The following KLRG1 variants were observed in gnomAD, a reference collection of about 807,000 sequenced individuals.
KLRG1 encodes killer cell lectin like receptor G1.
A neutral mutation model predicts 21.8 loss-of-function variants in KLRG1; 16 were observed. That is an observed-to-expected ratio of 0.73 (90% CI 0.50 to 1.11). KLRG1 has a LOEUF of 1.11. Ranked by LOEUF, KLRG1 falls within the 50% of genes most tolerant of loss-of-function variation. The pLI is 0.00. For synonymous variants in KLRG1, 69 were observed against 75.9 expected (o/e 0.91, Z 0.47); for missense variants, 173 against 218.3 (o/e 0.79, Z 1.31).
At chr12:9,186,610 A>G in the KLRG1 span, among the ~76,000 whole-genome samples, 1 of 151,772 alleles carries the variant, frequency 6.6e-6, no homozygotes, top group Non-Finnish European at 1.5e-5. Context: ...CCACATGCCC[A>G]TCAATGATAG....
the KLRG1 span, among the ~76,000 whole-genome samples, chr12:9,172,773 C>T: frequency 1.3e-5 from 2 of 151,078 alleles, no homozygotes; most frequent in African/African-American, 5.0e-5. Flanking sequence ...ACCAGAAGAG[C>T]TAACTATCCT....
At chr12:8,956,643 C>T (rs1008924842) in intron 1 of KLRG1, among the ~76,000 whole-genome samples, 1 of 151,894 alleles carries the variant, frequency 6.6e-6, no homozygotes, top group East Asian at 1.9e-4. Flanking sequence ...GATGGGGTTT[C>T]GCCACGTTGG....
downstream of KLRG1, among the ~76,000 whole-genome samples, chr12:9,015,144 G>T (rs1193722545): frequency 6.6e-6 from 1 of 152,112 alleles, no homozygotes; most frequent in South Asian, 2.1e-4. Flanking sequence ...TAACAAAATG[G>T]CAGGAGTATG....
chr12:9,169,398 G>A, the KLRG1 span: 1 of 1,528,960 alleles, frequency 6.5e-7, no homozygotes, highest in Non-Finnish European at 8.9e-7. Flanking sequence ...AAACTCACAA[G>A]CCAGCATGTT....
chr12:9,169,513 AG>A, the KLRG1 span: 1 of 1,612,468 alleles, frequency 6.2e-7, no homozygotes, highest in Non-Finnish European at 8.5e-7. Context: ...GGACGGGGAC[AG>A]TGTCCTTGTT....
At chr12:9,169,226 G>A in the KLRG1 span, among the ~76,000 whole-genome samples, 1 of 152,056 alleles carries the variant, frequency 6.6e-6, no homozygotes, top group African/African-American at 2.4e-5. Flanking sequence ...TGAATAGGCA[G>A]AGGTTAGATC....
upstream of KLRG1, chr12:8,989,405 A>G: frequency 2.8e-6 from 1 of 352,792 alleles, no homozygotes; most frequent in Non-Finnish European, 5.1e-6. Flanking sequence ...AATCAATTTA[A>G]TATATATTTA....
chr12:9,195,992 A>G, the KLRG1 span, among the ~76,000 whole-genome samples: 1 of 152,136 alleles, frequency 6.6e-6, no homozygotes, highest in Non-Finnish European at 1.5e-5. Context: ...AAATGTTACA[A>G]ACTCTGAAAA....
At chr12:9,202,711 T>A in the KLRG1 span, 1 of 1,603,744 alleles carries the variant, frequency 6.2e-7, no homozygotes, top group Non-Finnish European at 8.5e-7. Context: ...TTTTTACTAC[T>A]GAGGAACTGT....
the KLRG1 span, among the ~76,000 whole-genome samples, chr12:9,054,199 G>A: frequency 1.3e-5 from 2 of 152,082 alleles, no homozygotes; most frequent in African/African-American, 2.4e-5. Flanking sequence ...TTGGGGAGTC[G>A]CCTTGTTTTT....
chr12:9,192,884 A>T, the KLRG1 span: 2 of 555,028 alleles, frequency 3.6e-6, no homozygotes, highest in South Asian at 3.0e-5. Context: ...CAAATAAATG[A>T]ATTTTCAGTC....
the KLRG1 span, chr12:9,080,547 T>G: frequency 6.3e-6 from 1 of 159,914 alleles, no homozygotes; most frequent in Non-Finnish European, 1.4e-5. Context: ...AACAGTTGTA[T>G]GGAGAAAACA....
chr12:9,107,385 T>C, the KLRG1 span: 1 of 1,082,828 alleles, frequency 9.2e-7, no homozygotes, highest in Admixed American at 2.7e-5. Context: ...AGTTCATGAT[T>C]TTTTTTGAAA....
At chr12:9,104,971 AC>A in the KLRG1 span, among the ~76,000 whole-genome samples, 3 of 152,118 alleles carry the variant, frequency 2.0e-5, no homozygotes, top group Non-Finnish European at 4.4e-5. Flanking sequence ...CTGCTTCTCA[AC>A]CTAGATCTTC....
chr12:9,140,145 A>T, the KLRG1 span, among the ~76,000 whole-genome samples: 10 of 152,218 alleles, frequency 6.6e-5, no homozygotes, highest in Admixed American at 5.9e-4. Context: ...CATTAGGCTG[A>T]TGCCCTTTGG....
chr12:9,131,841 C>T, the KLRG1 span, among the ~76,000 whole-genome samples: 2,938 of 151,738 alleles, frequency 0.019, 115 homozygotes, highest in African/African-American at 0.067. Flanking sequence ...TTGAATCTCA[C>T]AAAAAATGAG....
chr12:8,986,103 A>T (rs1350575155), upstream of KLRG1, among the ~76,000 whole-genome samples: 1 of 152,240 alleles, frequency 6.6e-6, no homozygotes, highest in African/African-American at 2.4e-5. Context: ...ATACATATGT[A>T]TAATACCACC....
chr12:8,952,847 G>A (rs764191922), intron 1 of KLRG1, among the ~76,000 whole-genome samples: 9 of 152,198 alleles, frequency 5.9e-5, no homozygotes, highest in Non-Finnish European at 1.2e-4. Context: ...AGTTACTTCC[G>A]ATTTCCCAAC....
chr12:9,102,545 A>G, the KLRG1 span, among the ~76,000 whole-genome samples: 12 of 152,114 alleles, frequency 7.9e-5, no homozygotes, highest in African/African-American at 1.2e-4. Context: ...GCTCCCTGCA[A>G]TCTGGATTCT....
Sources: allele counts gnomAD v4.1 joint callset (sites outside exome capture counted in the v4.1 genomes callset), GRCh38; gene constraint gnomAD v4.1.1; transcripts MANE v1.5; gene names NCBI Gene and HGNC (gene_info 2026-07-23, HGNC 2026-07-21).